Variants in SVOPL observed in about 807,000 individuals in gnomAD.
The protein encoded by SVOPL is putative transporter SVOPL.
SVOPL carries 60 observed loss-of-function variants against 61.0 expected under a neutral mutation model. That is an observed-to-expected ratio of 0.98 (90% CI 0.80 to 1.22). The LOEUF (loss-of-function observed/expected upper bound fraction) is 1.22, where lower values mean the gene tolerates loss of function less well. Among genes scored for constraint, SVOPL ranks in the 50% most tolerant of loss-of-function variants. SVOPL has a pLI of 0.00. For synonymous variants in SVOPL, 279 were observed against 250.0 expected (o/e 1.12, Z -1.09); for missense variants, 662 against 643.9 (o/e 1.03, Z -0.30).
chr7:138,620,894 C>T (rs1252966114), intron 14 of SVOPL, 152 bp downstream of exon 14: 1 of 734,392 alleles, frequency 1.4e-6, no homozygotes, highest in Non-Finnish European at 2.3e-6. Context: ...TCTCTCTCTA[C>T]CTAAATCCAC....
rs1053480385 is a variant in SVOPL at position 138,662,841 on chromosome 7, C to T, written c.345+233G>A. 1.3e-5 allele frequency: 18 copies of T among 1,376,640 alleles called. No individual in the cohort carries two copies. The African/African-American group carries it at 1.3e-4, about 10-fold the overall frequency. 85.3% of individuals were successfully genotyped at this position (1,376,640 alleles called of 1,614,324 possible). The stretch of plus-strand genomic sequence containing the variant: ...AGATTTCTTAGAACTCTATAATACC[C>T]GCATCTCCTTTTACTCCACACCTGG... On this transcript the variant is annotated intron_variant, in intron 5 of 15. Coordinates refer to ENST00000674285, the MANE Select transcript of SVOPL (RefSeq NM_001139456.2).
chr7:138,685,934 T>G (rs1802800555), intron 1 of SVOPL, among the ~76,000 whole-genome samples: 1 of 152,010 alleles, frequency 6.6e-6, no homozygotes, highest in African/African-American at 2.4e-5. Context: ...GGAGGTAGCT[T>G]TATGGCATAG....
intron 4 of SVOPL, 64 bp downstream of exon 4, chr7:138,671,955 G>A (rs1802430024): frequency 2.1e-6 from 3 of 1,453,820 alleles, no homozygotes; most frequent in African/African-American, 1.4e-5. Flanking sequence ...AGCCCTGCAG[G>A]ATGGAGGAAA....
At chr7:138,610,416 G>A (rs1798949063) in intron 14 of SVOPL, among the ~76,000 whole-genome samples, 1 of 151,100 alleles carries the variant, frequency 6.6e-6, no homozygotes, top group South Asian at 2.1e-4. Context: ...CACACACATA[G>A]AAAAATATAT....
chr7:138,641,923 G>T (rs1346717887), intron 9 of SVOPL, among the ~76,000 whole-genome samples: 1 of 36,530 alleles, frequency 2.7e-5, no homozygotes, highest in Non-Finnish European at 5.5e-5. Context: ...ATATGTATGT[G>T]TATACACACA....
chr7:138,696,332 C>T (rs2117148914), intron 1 of SVOPL, among the ~76,000 whole-genome samples: 1 of 152,104 alleles, frequency 6.6e-6, no homozygotes, highest in Admixed American at 6.5e-5. Context: ...CTGGGCTCAA[C>T]TGATCCTCTG....
intron 9 of SVOPL, among the ~76,000 whole-genome samples, chr7:138,641,833 T>A (rs187916166): frequency 2.1e-4 from 8 of 37,222 alleles, no homozygotes; most frequent in African/African-American, 5.0e-4. Context: ...TATATATATA[T>A]AACATATATA....
At position 138,674,773 on chromosome 7, in the gene SVOPL, G is replaced by A. The variant is rs954728231; in HGVS notation, c.175-2656C>T. Among the ~76,000 whole-genome samples the A allele has an allele frequency of 3.8e-4, 58 of 151,506 alleles. 3 individuals are homozygous for A. The highest frequency in any genetic ancestry group is 8.8e-5 in the Non-Finnish European group (6 of 67,900). ...TAGGAGGCTGAAGCAGGAGAATGGC[G>A]TGAACCCAGGAGGCACAGCTTGCAG... On this transcript the variant is annotated intron_variant, in intron 3 of 15. Coordinates refer to ENST00000674285, the MANE Select transcript of SVOPL (RefSeq NM_001139456.2).
At position 138,658,679 on chromosome 7, in the gene SVOPL, C is replaced by T. The variant is rs578015243; in HGVS notation, c.470+1185G>A. Among the ~76,000 whole-genome samples, 235 of 152,244 alleles carry T rather than the reference C, an allele frequency of 1.5e-3. 1 individual carries two copies. The highest frequency in any genetic ancestry group is 4.9e-3 in the African/African-American group (204 of 41,548). ...CTAGCCTTATGAACAAAAAAGCTAA[C>T]ACCTGCTTGATCTAGCACTCTGCTA... On this transcript the variant is annotated intron_variant, in intron 6 of 15. Transcript: ENST00000674285.
Position 138,594,535 on chromosome 7 carries a change from G to GT in SVOPL, c.*74dup. On this transcript the variant is annotated 3_prime_UTR_variant, in exon 16 of 16. Transcript: ENST00000674285. ...GAGTAGCATACAGAAGTAAAACCAA[G>GT]TTTTAAAAAAATGCACCGCAGTTCT... is the stretch of plus-strand genomic sequence containing the variant. 6.8e-7 allele frequency: 1 copy of GT among 1,468,970 alleles called. No individual in the cohort carries two copies. Among genetic ancestry groups the GT allele is most frequent in the Admixed American group, 2.2e-5 (1 of 46,084 alleles). The allele number at this position is 1,468,970 out of a possible 1,614,324, so 91.0% of individuals were successfully genotyped here.
chr7:138,648,351 C>G (rs970324122), intron 8 of SVOPL, among the ~76,000 whole-genome samples: 1 of 151,934 alleles, frequency 6.6e-6, no homozygotes, highest in Non-Finnish European at 1.5e-5. Flanking sequence ...TGGCTCATGC[C>G]TGTAATCCCA....
intron 14 of SVOPL, among the ~76,000 whole-genome samples, chr7:138,612,429 T>A (rs28440818): frequency 0.25 from 19,706 of 78,100 alleles, 8,945 homozygotes; most frequent in African/African-American, 0.49. Context: ...AAAAATAAAA[T>A]AAAAAATAAA....
chr7:138,692,453 CAA>C (rs1196956950), intron 1 of SVOPL, among the ~76,000 whole-genome samples: 1 of 151,876 alleles, frequency 6.6e-6, no homozygotes, highest in Non-Finnish European at 1.5e-5. Context: ...ACGCTCCATG[CAA>C]AAAATATGTG....
Position 138,627,444 on chromosome 7 carries a change from G to C in SVOPL, c.1087C>G (p.Leu363Val), listed in dbSNP as rs767459770. Residue 363 changes from leucine (L) to valine (V), a missense_variant, in exon 12 of 16, where the codon CTG (leucine) becomes GTG (valine). Leu to Val is a conservative substitution (Grantham distance 32). Transcript: ENST00000674285. Reference protein sequence around the residue: ...GEIALNPLNILGINFLGRRLS... With the variant: ...GEIALNPLNIVGINFLGRRLS... ...CGTCTTCCCAGGAAATTGATGCCCA[G>C]TATATTTAAAGGATTCACTAGAAAG... 6.2e-7 allele frequency: 1 copy of C among 1,613,456 alleles called. No individual in the cohort carries two copies. Among genetic ancestry groups the C allele is most frequent in the South Asian group, 1.1e-5 (1 of 91,072 alleles).
chr7:138,637,821 G>A (rs966300299), intron 9 of SVOPL, among the ~76,000 whole-genome samples: 3 of 149,434 alleles, frequency 2.0e-5, no homozygotes, highest in East Asian at 2.1e-4. Flanking sequence ...GCATGGTGGC[G>A]GGCACCTGTA....
At chr7:138,619,382 C>CA (rs1406466145) in intron 14 of SVOPL, among the ~76,000 whole-genome samples, 2 of 151,304 alleles carry the variant, frequency 1.3e-5, no homozygotes, top group African/African-American at 4.9e-5. Context: ...GCCTGGGCGA[C>CA]AGAGCGAGAC....
chr7:138,597,140 C>G (rs761609892), intron 14 of SVOPL: 15 of 1,285,390 alleles, frequency 1.2e-5, no homozygotes, highest in Non-Finnish European at 5.1e-6. Context: ...ACTGGTAATT[C>G]AGATACTCCA....
chr7:138,620,762 C>G (rs539961254), intron 14 of SVOPL, among the ~76,000 whole-genome samples: 1 of 152,160 alleles, frequency 6.6e-6, no homozygotes, highest in African/African-American at 2.4e-5. Flanking sequence ...CCAAGCTTCT[C>G]GTGTTAACCA....
intron 13 of SVOPL, chr7:138,625,065 C>G (rs979978933): frequency 6.6e-6 from 1 of 152,162 alleles, no homozygotes; most frequent in African/African-American, 2.4e-5. Context: ...ATCATAATAC[C>G]CCTTCTTATT....
Sources: allele counts gnomAD v4.1 joint callset (sites outside exome capture counted in the v4.1 genomes callset), GRCh38; gene constraint gnomAD v4.1.1; transcripts MANE v1.5; gene names NCBI Gene and HGNC (gene_info 2026-07-23, HGNC 2026-07-21).